Variants in PCDHGC4 observed in about 807,000 individuals in gnomAD.
PCDHGC4 encodes the protein protocadherin gamma subfamily C, 4.
In PCDHGC4, 15 loss-of-function variants were observed where a neutral mutation model predicts 59.7. That is an observed-to-expected ratio of 0.25 (90% CI 0.17 to 0.39). PCDHGC4 has a LOEUF of 0.39. Ranked by LOEUF, PCDHGC4 falls within the 10% of genes least tolerant of loss-of-function variation. PCDHGC4 has a pLI of 1.00. For missense variants in PCDHGC4, 1,016 were observed against 1,189.5 expected, an observed-to-expected ratio of 0.85 and a Z score of 2.15; for synonymous variants, 434 against 481.4, an observed-to-expected ratio of 0.90 and a Z score of 1.29.
rs115565444 is a variant in PCDHGC4 at position 141,487,520 on chromosome 5, G to C, written c.2347G>C (p.Asp783His). 1 of 1,614,166 alleles carries C rather than the reference G, an allele frequency of 6.2e-7. No individual in the cohort carries two copies. Among genetic ancestry groups the C allele is most frequent in the Non-Finnish European group, 8.5e-7 (1 of 1,180,042 alleles). ...CTTGGCTTCTGCACCCACTCGGAGT[G>C]ATAGCTTCATGATGGTGAAGTCACC... ...TPLASAPTRS[D>H]SFMMVKSPSA... The change falls in exon 1 of 4, where the codon GAT (aspartate) becomes CAT (histidine). Residue 783 changes from aspartate to histidine, a missense_variant. By Grantham distance (81) the Asp-to-His change is moderately conservative. Coordinates refer to ENST00000306593, the MANE Select transcript of PCDHGC4 (RefSeq NM_018928.3). The surrounding 1 kb of genome is among the most constrained non-coding windows in gnomAD (Gnocchi z 5.0).
Position 141,485,790 on chromosome 5 carries a change from C to G in PCDHGC4, c.617C>G (p.Ser206Trp). 6.2e-7 allele frequency: 1 copy of G among 1,614,204 alleles called. No homozygotes were observed. The highest frequency in any genetic ancestry group is 8.5e-7 in the Non-Finnish European group (1 of 1,180,032). ...LEKPLDREKQ[S>W]DYRLVLTAVD... is the part of the protein sequence containing the mutation. ...AAGCCTTTGGATCGAGAGAAGCAAT[C>G]GGACTACCGCCTGGTGCTGACTGCT... The change falls in exon 1 of 4, where the codon TCG becomes TGG. Residue 206 changes from serine to tryptophan, a missense_variant. Physicochemically the swap from Ser to Trp is radical, Grantham distance 177. Transcript: ENST00000306593. This position sits in a 1 kb window ranked among gnomAD's most constrained non-coding sequence, Gnocchi z 5.7.
chr5:141,510,428 G>A (rs1254357998), intron 3 of PCDHGC4, among the ~76,000 whole-genome samples: 2 of 152,092 alleles, frequency 1.3e-5, no homozygotes, highest in African/African-American at 4.8e-5. Flanking sequence ...TGGTTTCATG[G>A]CTGCTGCCCT....
chr5:141,508,826 C>T (rs2099872187), intron 3 of PCDHGC4, among the ~76,000 whole-genome samples: 1 of 152,092 alleles, frequency 6.6e-6, no homozygotes, highest in South Asian at 2.1e-4. Context: ...AGATCTGGGC[C>T]CCCCTCCCCT....
rs756658304 is a variant in PCDHGC4, at chr5:141,485,531, G to C, written c.358G>C (p.Glu120Gln). 6.8e-6 allele frequency: 11 copies of C among 1,614,218 alleles called. No homozygotes were observed. In the Admixed American group the frequency reaches 1.5e-4, roughly 22 times the overall value. Residue 120 changes from glutamate to glutamine, a missense_variant, in exon 1 of 4, where the codon GAG (glutamate) becomes CAG (glutamine). By Grantham distance (29) the Glu-to-Gln change is conservative (BLOSUM62 2). Transcript: ENST00000306593. This position sits in a 1 kb window ranked among gnomAD's most constrained non-coding sequence, Gnocchi z 5.7. ...AGGTCCTTTGGAAATGTACCGAGCA[G>C]AGGTAGAGATCGTAGATGTGAATGA... is the stretch of plus-strand genomic sequence containing the variant. ...TEGPLEMYRAEVEIVDVNDHA... is the reference protein window; with the variant it reads ...TEGPLEMYRAQVEIVDVNDHA...
intron 3 of PCDHGC4, among the ~76,000 whole-genome samples, chr5:141,509,066 C>A (rs1215686419): frequency 6.6e-6 from 1 of 152,172 alleles, no homozygotes; most frequent in Non-Finnish European, 1.5e-5. Context: ...GCTCTCAGCT[C>A]CGGGGATTTG....
rs1024686607 is a variant in PCDHGC4, at chr5:141,487,597, T to C, written c.2424T>C (p.Asp808=). 6.2e-7 allele frequency: 1 copy of C among 1,614,178 alleles called. No homozygotes were observed. The highest frequency in any genetic ancestry group is 8.5e-7 in the Non-Finnish European group (1 of 1,180,040). ...EPVRPSCPPS[D]LLYGLEQAPP... ...TTCGCCCAAGCTGCCCACCCTCTGA[T>C]CTTCTCTATGGGCTAGAGGTGAGAC... Residue 808 remains aspartate, a synonymous_variant, in exon 1 of 4, where the codon GAT becomes GAC. Coordinates refer to ENST00000306593, the MANE Select transcript of PCDHGC4 (RefSeq NM_018928.3). The surrounding 1 kb of genome is among the most constrained non-coding windows in gnomAD (Gnocchi z 5.0).
chr5:141,498,104 C>T (rs530844708), intron 2 of PCDHGC4, among the ~76,000 whole-genome samples: 2 of 152,106 alleles, frequency 1.3e-5, no homozygotes, highest in African/African-American at 4.8e-5. Context: ...GTGGTGTGGG[C>T]GTATAATAGG....
intron 3 of PCDHGC4, among the ~76,000 whole-genome samples, chr5:141,510,624 A>C (rs2099881973): frequency 6.6e-6 from 1 of 152,164 alleles, no homozygotes; most frequent in African/African-American, 2.4e-5. Flanking sequence ...TAAAACCAGA[A>C]GAGGTGGTTA....
In PCDHGC4 at chr5:141,511,342, C is replaced by G. The variant is rs2099883728; in HGVS notation, c.*169C>G. The stretch of plus-strand genomic sequence containing the variant: ...AACAAGTGCCCAGTCAGCACCTACC[C>G]CTTCCCCCCCAGGGGGTTGAATATG... On this transcript the variant is annotated 3_prime_UTR_variant, in exon 4 of 4. Coordinates refer to ENST00000306593, the MANE Select transcript of PCDHGC4 (RefSeq NM_018928.3). 1 of 1,424,960 alleles carries G rather than the reference C, an allele frequency of 7.0e-7. No homozygotes were observed. Among genetic ancestry groups the G allele is most frequent in the Admixed American group, 2.6e-5 (1 of 38,556 alleles). 88.3% of individuals were successfully genotyped at this position (1,424,960 alleles called of 1,614,324 possible).
In PCDHGC4 at chr5:141,485,429, A is replaced by T. The variant is rs1388904857; in HGVS notation, c.256A>T (p.Ile86Phe). The change falls in exon 1 of 4, where the codon ATC becomes TTC. Residue 86 changes from isoleucine to phenylalanine, a missense_variant. Physicochemically the swap from Ile to Phe is conservative, Grantham distance 21. Transcript: ENST00000306593. This position sits in a 1 kb window ranked among gnomAD's most constrained non-coding sequence, Gnocchi z 5.7. ...RVDLDSGALL[I>F]KNPIDREALC... Reference sequence around the variant, plus strand: ...GGATTTGGACAGCGGAGCCCTGCTCATCAAGAACCCAATCGACCGAGAGGC... The same window carrying T: ...GGATTTGGACAGCGGAGCCCTGCTCTTCAAGAACCCAATCGACCGAGAGGC... The T allele has an allele frequency of 6.2e-7, 1 of 1,614,090 alleles. No homozygotes were observed. Among genetic ancestry groups the T allele is most frequent in the Non-Finnish European group, 8.5e-7 (1 of 1,180,052 alleles).
At position 141,511,426 on chromosome 5, in the gene PCDHGC4, G is replaced by C. The variant is rs2099883789; in HGVS notation, c.*253G>C. 2.5e-6 allele frequency: 2 copies of C among 798,652 alleles called. No homozygotes were observed. The highest frequency in any genetic ancestry group is 3.8e-6 in the Non-Finnish European group (2 of 529,972). 49.5% of individuals were successfully genotyped at this position (798,652 alleles called of 1,614,324 possible). ...CAACTGCTGTACCCATGGGGGTAGTGGGGTTACTGTAGACACCAAGAACCA... is the reference window on the plus strand; with the variant it reads ...CAACTGCTGTACCCATGGGGGTAGTCGGGTTACTGTAGACACCAAGAACCA... On this transcript the variant is annotated 3_prime_UTR_variant, in exon 4 of 4. Transcript: ENST00000306593.
Position 141,485,172 on chromosome 5 carries a change from C to A in PCDHGC4, c.-2C>A. ...CAAGTAGAGAATTAGCGGGCGGCAG[C>A]AATGCTCCGCAAGGTGAGAAGCTGG... On this transcript the variant is annotated 5_prime_UTR_variant, in exon 1 of 4. Transcript: ENST00000306593. The surrounding 1 kb of genome is among the most constrained non-coding windows in gnomAD (Gnocchi z 5.7). 6.2e-7 allele frequency: 1 copy of A among 1,610,164 alleles called. No individual in the cohort carries two copies. The highest frequency in any genetic ancestry group is 8.5e-7 in the Non-Finnish European group (1 of 1,176,940).
At chr5:141,501,366 T>G (rs1297210978) in intron 2 of PCDHGC4, among the ~76,000 whole-genome samples, 1 of 150,672 alleles carries the variant, frequency 6.6e-6, no homozygotes, top group Non-Finnish European at 1.5e-5. Flanking sequence ...ACCATATTCA[T>G]CATCTCTTAA....
At chr5:141,498,361 T>C (rs1256361883) in intron 2 of PCDHGC4, among the ~76,000 whole-genome samples, 1 of 151,460 alleles carries the variant, frequency 6.6e-6, no homozygotes, top group African/African-American at 2.4e-5. Flanking sequence ...GCAAAAGCCT[T>C]GTGGTGAGGC....
intron 2 of PCDHGC4, among the ~76,000 whole-genome samples, chr5:141,502,139 C>T (rs923501238): frequency 6.6e-6 from 1 of 152,104 alleles, no homozygotes; most frequent in African/African-American, 2.4e-5. Flanking sequence ...TCAGTCGGGC[C>T]GGAAGTAAGG....
Position 141,486,886 on chromosome 5 carries a change from G to A in PCDHGC4, c.1713G>A (p.Arg571=). The A allele has an allele frequency of 1.9e-6, 3 of 1,614,222 alleles. No individual in the cohort carries two copies. The highest frequency in any genetic ancestry group is 2.5e-6 in the Non-Finnish European group (3 of 1,180,044). ...CAGCTGTGCTCCGTCCTCGGGCCCGGCCTGGTTCCTTATGTCCCCAAGCAC... is the reference window on the plus strand; with the variant it reads ...CAGCTGTGCTCCGTCCTCGGGCCCGACCTGGTTCCTTATGTCCCCAAGCAC... The part of the protein sequence containing the change: ...NAPAVLRPRA[R]PGSLCPQALP... Residue 571 remains arginine, a synonymous_variant, in exon 1 of 4, where the codon CGG becomes CGA. Coordinates refer to ENST00000306593, the MANE Select transcript of PCDHGC4 (RefSeq NM_018928.3). This position sits in a 1 kb window ranked among gnomAD's most constrained non-coding sequence, Gnocchi z 5.0.
chr5:141,508,043 T>A (rs2099865910), intron 3 of PCDHGC4: 1 of 152,252 alleles, frequency 6.6e-6, no homozygotes, highest in Non-Finnish European at 1.5e-5. Context: ...CAGCCAGCTG[T>A]GTTCCAGCTA....
intron 3 of PCDHGC4, among the ~76,000 whole-genome samples, chr5:141,508,752 C>G (rs2099871515): frequency 6.6e-6 from 1 of 152,028 alleles, no homozygotes. Flanking sequence ...CGCTCTTTCT[C>G]TGGCGCCTCT....
In PCDHGC4 at chr5:141,511,555, C is replaced by T; in HGVS notation, c.*382C>T. 1 of 305,302 alleles carries T rather than the reference C, an allele frequency of 3.3e-6. No individual in the cohort carries two copies. Among genetic ancestry groups the T allele is most frequent in the South Asian group, 3.6e-5 (1 of 28,078 alleles). 18.9% of individuals were successfully genotyped at this position (305,302 alleles called of 1,614,324 possible). ...CCTCCCCACCCCACTCCAACAGTTC[C>T]TCTTTCCCGAGTAAGGTGGTTGGGG... On this transcript the variant is annotated 3_prime_UTR_variant, in exon 4 of 4. Coordinates refer to ENST00000306593, the MANE Select transcript of PCDHGC4 (RefSeq NM_018928.3).
Sources: allele counts gnomAD v4.1 joint callset (sites outside exome capture counted in the v4.1 genomes callset), GRCh38; gene constraint gnomAD v4.1.1; non-coding constraint Gnocchi (gnomAD v3.1); transcripts MANE v1.5; gene names NCBI Gene and HGNC (gene_info 2026-07-23, HGNC 2026-07-21).